The following DENND1A variants were observed in gnomAD, a reference collection of about 807,000 sequenced individuals.
DENND1A encodes the protein DENN domain-containing protein 1A.
DENND1A carries 51 observed loss-of-function variants against 113.7 expected under a neutral mutation model. The ratio of observed to expected loss-of-function variants is 0.45; its 90% CI spans 0.36 to 0.57. The LOEUF is 0.57. Ranked by LOEUF, DENND1A falls within the 20% of genes least tolerant of loss-of-function variation. The pLI is 0.00. For synonymous variants in DENND1A, 565 were observed against 570.8 expected (o/e 0.99, Z 0.14); for missense variants, 1,258 against 1,395.9 (o/e 0.90, Z 1.57).
intron 17 of DENND1A, among the ~76,000 whole-genome samples, chr9:123,452,007 G>A (rs1226351859): frequency 6.8e-6 from 1 of 147,008 alleles, no homozygotes; most frequent in Non-Finnish European, 1.5e-5. Context: ...AGACCAGCCT[G>A]GGTAACATAC....
At chr9:123,497,147 C>T (rs1317224015) in intron 13 of DENND1A, among the ~76,000 whole-genome samples, 8 of 152,172 alleles carry the variant, frequency 5.3e-5, no homozygotes, top group Non-Finnish European at 8.8e-5. Context: ...CAGGGCAGCA[C>T]GGACCACGTG....
At chr9:123,753,533 T>C (rs532109949) in intron 5 of DENND1A, among the ~76,000 whole-genome samples, 3 of 152,350 alleles carry the variant, frequency 2.0e-5, no homozygotes, top group Admixed American at 6.5e-5. Flanking sequence ...TAATGTGAAC[T>C]ACACTTCTTC....
intron 5 of DENND1A, among the ~76,000 whole-genome samples, chr9:123,683,118 T>C (rs998421575): frequency 7.9e-5 from 12 of 152,204 alleles, no homozygotes; most frequent in Admixed American, 7.2e-4. Context: ...AATGCAAATT[T>C]GCCATGAACT....
At chr9:123,639,046 A>AAAT (rs2138969427) in intron 9 of DENND1A, among the ~76,000 whole-genome samples, 1 of 141,882 alleles carries the variant, frequency 7.0e-6, no homozygotes, top group African/African-American at 2.8e-5. Flanking sequence ...TAGTAAAAAA[A>AAAT]AAAAAAAAAA....
At chr9:123,556,431 T>C (rs2057417126) in intron 13 of DENND1A, among the ~76,000 whole-genome samples, 1 of 152,246 alleles carries the variant, frequency 6.6e-6, no homozygotes, top group Admixed American at 6.5e-5. Context: ...GCAGTAAAGA[T>C]ACTTACCAAT....
Position 123,381,127 on chromosome 9 carries a change from G to GCAATA in DENND1A, c.*300_*304dup, listed in dbSNP as rs753272721. 10 of 392,512 alleles carry GCAATA rather than the reference G, an allele frequency of 2.5e-5. No homozygotes were observed. The highest frequency in any genetic ancestry group is 4.7e-5 in the Non-Finnish European group (10 of 212,630). The allele number at this position is 392,512 out of a possible 1,614,324, so 24.3% of individuals were successfully genotyped here. On this transcript the variant is annotated 3_prime_UTR_variant, in exon 24 of 24. Coordinates refer to ENST00000394215, the MANE Select transcript of DENND1A (RefSeq NM_001352964.2). This position sits in a 1 kb window ranked among gnomAD's most constrained non-coding sequence, Gnocchi z 4.7. Reference sequence around the variant, plus strand: ...GAAGGTGGGTAGGACTCGGTCTGGAGCAATATCATTGGCCCAGCTGACCTC... The same window carrying GCAATA: ...GAAGGTGGGTAGGACTCGGTCTGGAGCAATACAATATCATTGGCCCAGCTGACCTC...
rs149804459 is a variant in DENND1A at position 123,469,124 on chromosome 9, T to G, written c.994-11227A>C. Among the ~76,000 whole-genome samples the G allele has an allele frequency of 7.0e-4, 106 of 152,278 alleles. 1 individual carries two copies. The highest frequency in any genetic ancestry group is 2.2e-3 in the African/African-American group (93 of 41,554). ...TATAGTCAGATGACTCTGGCTGGGCTGGGTGGGGACATGCCACATTTTGGG... is the reference window on the plus strand; with the variant it reads ...TATAGTCAGATGACTCTGGCTGGGCGGGGTGGGGACATGCCACATTTTGGG... On this transcript the variant is annotated intron_variant, in intron 13 of 23. Coordinates refer to ENST00000394215, the MANE Select transcript of DENND1A (RefSeq NM_001352964.2).
At chr9:123,727,706 A>G (rs1336961546) in intron 5 of DENND1A, among the ~76,000 whole-genome samples, 6 of 150,190 alleles carry the variant, frequency 4.0e-5, no homozygotes, top group South Asian at 2.1e-4. Context: ...TAGCACCAAT[A>G]AGGGAAAGAA....
chr9:123,861,817 GT>G (rs1845097414), intron 2 of DENND1A, among the ~76,000 whole-genome samples: 1 of 152,116 alleles, frequency 6.6e-6, no homozygotes, highest in Non-Finnish European at 1.5e-5. Context: ...TCTACTCTGA[GT>G]TTCCCTTTCT....
At chr9:123,751,361 C>T (rs984952618) in intron 5 of DENND1A, 1 of 152,100 alleles carries the variant, frequency 6.6e-6, no homozygotes, top group African/African-American at 2.4e-5. Flanking sequence ...TGCCAACTAG[C>T]ATGGAAGAAG....
At chr9:123,495,604 G>A (rs142647782) in intron 13 of DENND1A, among the ~76,000 whole-genome samples, 37 of 152,274 alleles carry the variant, frequency 2.4e-4, no homozygotes, top group South Asian at 1.0e-3. Context: ...AGAACCCACC[G>A]ATCAATATGA....
At chr9:123,545,693 T>A (rs1189200622) in intron 13 of DENND1A, among the ~76,000 whole-genome samples, 1 of 151,994 alleles carries the variant, frequency 6.6e-6, no homozygotes, top group African/African-American at 2.4e-5. Context: ...GGTCTTGATC[T>A]CCTGACCTCA....
At chr9:123,701,259 T>C (rs2065867857) in intron 5 of DENND1A, among the ~76,000 whole-genome samples, 1 of 152,104 alleles carries the variant, frequency 6.6e-6, no homozygotes, top group African/African-American at 2.4e-5. Context: ...TTTAAACAGT[T>C]CAAAATACCC....
At chr9:123,542,335 T>C (rs1224334169) in intron 13 of DENND1A, among the ~76,000 whole-genome samples, 2 of 152,208 alleles carry the variant, frequency 1.3e-5, no homozygotes, top group African/African-American at 4.8e-5. Flanking sequence ...TAGTAACTTG[T>C]GTAGAGTCAC....
intron 20 of DENND1A, among the ~76,000 whole-genome samples, chr9:123,409,614 T>A (rs2044146635): frequency 6.6e-6 from 1 of 151,882 alleles, no homozygotes; most frequent in African/African-American, 2.4e-5. Flanking sequence ...TGGGTTAAGT[T>A]ACCAAGCATC....
intron 5 of DENND1A, among the ~76,000 whole-genome samples, chr9:123,695,733 T>A (rs73665335): frequency 0.021 from 3,139 of 152,108 alleles, 114 homozygotes; most frequent in African/African-American, 0.072. Context: ...AGGCAACAAC[T>A]CTCTCTCATA....
intron 1 of DENND1A, among the ~76,000 whole-genome samples, chr9:123,928,091 C>A (rs1857404294): frequency 6.6e-6 from 1 of 152,224 alleles, no homozygotes; most frequent in African/African-American, 2.4e-5. Context: ...TCTTCATACT[C>A]ATTTCACGCT....
intron 5 of DENND1A, among the ~76,000 whole-genome samples, chr9:123,708,900 A>C (rs2066404706): frequency 6.6e-6 from 1 of 152,196 alleles, no homozygotes; most frequent in African/African-American, 2.4e-5. Context: ...ATTGGCTTTG[A>C]CTTTACTGTT....
rs1490591571 is a variant in DENND1A, at chr9:123,403,564, TG to T, written c.1543-75del. 112 of 1,365,892 alleles carry T rather than the reference TG, an allele frequency of 8.2e-5. No individual in the cohort carries two copies. The Admixed American group carries it at 1.0e-3, about 13-fold the overall frequency. 84.6% of individuals were successfully genotyped at this position (1,365,892 alleles called of 1,614,324 possible). A position where few individuals can be genotyped will look rare whatever the true frequency, so the allele number is the denominator to read the frequency against. ...GCCATACAGGTACATTCTGAACATT[TG>T]GATAAACGGCCCCCCCAAAAAACGT... On this transcript the variant is annotated intron_variant, in intron 20 of 23. Transcript: ENST00000394215.
Sources: gnomAD v4.1 joint callset for allele counts (sites outside exome capture counted in the v4.1 genomes callset) on GRCh38, gnomAD v4.1.1 for gene constraint, Gnocchi (gnomAD v3.1) non-coding constraint, MANE v1.5 for transcripts, NCBI Gene and HGNC (gene_info 2026-07-23, HGNC 2026-07-21) for gene names.